BIRC6: variants seen among roughly 807,000 people sequenced by gnomAD.
BIRC6 encodes the protein baculoviral IAP repeat containing 6.
A neutral mutation model predicts 503.3 loss-of-function variants in BIRC6; 98 were observed. That is an observed-to-expected ratio of 0.19 (90% CI 0.17 to 0.23). The LOEUF (loss-of-function observed/expected upper bound fraction) is 0.23. Among genes scored for constraint, BIRC6 ranks in the 10% least tolerant of loss-of-function variants. BIRC6 has a pLI of 1.00. For synonymous variants in BIRC6, 2,240 were observed against 2,078.7 expected (o/e 1.08, Z -2.11); for missense variants, 5,360 against 5,806.0 (o/e 0.92, Z 2.50).
intron 49 of BIRC6, among the ~76,000 whole-genome samples, chr2:32,503,760 T>A (rs1245822185): frequency 6.6e-6 from 1 of 151,950 alleles, no homozygotes; most frequent in Non-Finnish European, 1.5e-5. Context: ...CAGTAAAGTT[T>A]GTTTTTATTT....
Position 32,593,950 on chromosome 2 carries a change from C to A in BIRC6, c.13391C>A (p.Pro4464Gln), listed in dbSNP as rs1451129508. The change falls in exon 67 of 74, where the codon CCA becomes CAA. Residue 4464 changes from proline to glutamine, a missense_variant. Coordinates refer to ENST00000421745, the MANE Select transcript of BIRC6 (RefSeq NM_016252.4). ...GAAAATGTTAAAACAGGAGTAAAAC[C>A]AGATGCGTCTGATCAAGAACCAGAA... ...KRENVKTGVK[P>Q]DASDQEPEGL... 6.2e-7 allele frequency: 1 copy of A among 1,612,688 alleles called. No homozygotes were observed. Among genetic ancestry groups the A allele is most frequent in the East Asian group, 2.2e-5 (1 of 44,786 alleles).
intron 1 of BIRC6, among the ~76,000 whole-genome samples, chr2:32,370,852 T>A (rs1257019160): frequency 6.6e-6 from 1 of 151,794 alleles, no homozygotes; most frequent in Non-Finnish European, 1.5e-5. Context: ...TGAAGTCTGA[T>A]GAGATGTCAG....
At chr2:32,366,225 G>C (rs535772001) in intron 1 of BIRC6, among the ~76,000 whole-genome samples, 1 of 152,176 alleles carries the variant, frequency 6.6e-6, no homozygotes, top group Non-Finnish European at 1.5e-5. Context: ...AGAATACAAC[G>C]TGAATGTTTT....
intron 29 of BIRC6, among the ~76,000 whole-genome samples, 158 bp from the exon 30 acceptor site, chr2:32,469,237 C>T (rs575436050): frequency 1.3e-5 from 2 of 152,230 alleles, no homozygotes; most frequent in South Asian, 2.1e-4. Context: ...AAGTATGTAA[C>T]AGATTTCTAC....
intron 33 of BIRC6, among the ~76,000 whole-genome samples, 169 bp downstream of exon 33, chr2:32,473,408 A>G (rs1270176748): frequency 6.6e-6 from 1 of 152,214 alleles, no homozygotes; most frequent in Non-Finnish European, 1.5e-5. Flanking sequence ...TAAAATGACG[A>G]CAATGTATAG....
At chr2:32,470,353 TTC>T in intron 31 of BIRC6, 52 bp downstream of exon 31, 1 of 1,413,130 alleles carries the variant, frequency 7.1e-7, no homozygotes, top group Non-Finnish European at 9.5e-7. Context: ...CTGCAAATAT[TTC>T]TTTTATAAAA....
chr2:32,395,140 G>A (rs191488387), intron 5 of BIRC6, among the ~76,000 whole-genome samples: 63 of 152,258 alleles, frequency 4.1e-4, no homozygotes, highest in African/African-American at 1.4e-3. Flanking sequence ...GTGACAGAGC[G>A]AGACTCAGTC....
In BIRC6 at chr2:32,590,314, T is replaced by C. The variant is rs111284185; in HGVS notation, c.13356-3601T>C. Among the ~76,000 whole-genome samples the C allele has an allele frequency of 8.4e-3, 1,284 of 152,330 alleles. 8 individuals are homozygous for C. Among genetic ancestry groups the C allele is most frequent in the Non-Finnish European group, 0.015 (1,000 of 68,030 alleles). On this transcript the variant is annotated intron_variant, in intron 66 of 73. Transcript: ENST00000421745. ...TAGAATCTTCTTCTGCAGTGCTAAT[T>C]CTTAATAGTTGTGAATCTACATTTC...
chr2:32,401,694 C>A, intron 8 of BIRC6, 71 bp downstream of exon 8: 2 of 1,351,206 alleles, frequency 1.5e-6, no homozygotes, highest in South Asian at 1.6e-5. Flanking sequence ...TCTCATAGTT[C>A]TAATAATTAA....
At chr2:32,438,498 T>C (rs1009985842) in intron 15 of BIRC6, among the ~76,000 whole-genome samples, 3 of 152,064 alleles carry the variant, frequency 2.0e-5, no homozygotes, top group African/African-American at 7.2e-5. Flanking sequence ...ATATAGATTG[T>C]ATAGTATGAT....
intron 26 of BIRC6, 44 bp downstream of exon 26, chr2:32,465,208 T>TTTTTTTTTTTTCC: frequency 9.9e-7 from 1 of 1,009,562 alleles, no homozygotes; most frequent in East Asian, 3.0e-5. Flanking sequence ...TTTTTTTGCT[T>TTTTTTTTTTTTCC]AGTCTGCCGG....
rs1057190713 is a variant in BIRC6, at chr2:32,553,760, T to G, written c.13144+4279T>G. ...ACAGCAGAAACATAAATCTTCATAT[T>G]TAGGCTAAATTAATCAGATTTATCA... is the stretch of plus-strand genomic sequence containing the variant. On this transcript the variant is annotated intron_variant, in intron 65 of 73. Coordinates refer to ENST00000421745, the MANE Select transcript of BIRC6 (RefSeq NM_016252.4). Among the ~76,000 whole-genome samples the G allele has an allele frequency of 3.9e-5, 6 of 152,168 alleles. No individual in the cohort carries two copies. In the South Asian group the frequency reaches 6.2e-4, roughly 16 times the overall value.
At chr2:32,571,241 T>A (rs532155588) in intron 65 of BIRC6, among the ~76,000 whole-genome samples, 1 of 152,276 alleles carries the variant, frequency 6.6e-6, no homozygotes, top group East Asian at 1.9e-4. Flanking sequence ...GGTTTTGGTA[T>A]CAGCATATTA....
At chr2:32,606,900 G>A (rs572914741) in intron 71 of BIRC6, among the ~76,000 whole-genome samples, 4 of 151,874 alleles carry the variant, frequency 2.6e-5, no homozygotes, top group South Asian at 4.2e-4. Flanking sequence ...CCAGATTCTC[G>A]GGAGGCTGAG....
At chr2:32,522,443 G>C (rs2055830382) in intron 57 of BIRC6, 1 of 151,972 alleles carries the variant, frequency 6.6e-6, no homozygotes, top group African/African-American at 2.4e-5. Context: ...TTTAATCTAA[G>C]GCAAGACTTA....
chr2:32,595,796 T>G (rs2061638175), intron 68 of BIRC6, among the ~76,000 whole-genome samples: 1 of 152,228 alleles, frequency 6.6e-6, no homozygotes, highest in Non-Finnish European at 1.5e-5. Flanking sequence ...CTTTGAAACC[T>G]CATTATAAAT....
At chr2:32,461,692 A>T (rs776079429) in intron 23 of BIRC6, among the ~76,000 whole-genome samples, 2 of 151,912 alleles carry the variant, frequency 1.3e-5, no homozygotes, top group Non-Finnish European at 2.9e-5. Context: ...TTTTATTAGA[A>T]TTCTGGCACA....
At chr2:32,449,467 A>G (rs918250122) in intron 22 of BIRC6, among the ~76,000 whole-genome samples, 1 of 152,192 alleles carries the variant, frequency 6.6e-6, no homozygotes, top group East Asian at 1.9e-4. Flanking sequence ...TATTTTTATA[A>G]TCTTTTTAAG....
intron 57 of BIRC6, chr2:32,522,938 G>A (rs535149408): frequency 4.6e-5 from 7 of 152,140 alleles, no homozygotes; most frequent in African/African-American, 1.2e-4. Flanking sequence ...CCTCAGTCTA[G>A]GGTGACAACT....
Sources: allele counts gnomAD v4.1 joint callset (sites outside exome capture counted in the v4.1 genomes callset), GRCh38; gene constraint gnomAD v4.1.1; transcripts MANE v1.5; gene names NCBI Gene and HGNC (gene_info 2026-07-23, HGNC 2026-07-21).